The following GFM1 variants were observed in gnomAD, a reference collection of about 807,000 sequenced individuals.
GFM1 encodes elongation factor G, mitochondrial.
Under a neutral mutation model 96.2 loss-of-function variants are expected in GFM1, and 62 were observed. That is an observed-to-expected ratio of 0.64 (90% confidence interval 0.53 to 0.80). The LOEUF (loss-of-function observed/expected upper bound fraction) is 0.80, where lower values mean the gene tolerates loss of function less well. GFM1 is among the 30% of genes least tolerant of loss of function. The pLI, the probability that GFM1 is intolerant of heterozygous loss-of-function variation, is 0.00. For synonymous variants in GFM1, 282 were observed against 312.9 expected (o/e 0.90, Z 1.04); for missense variants, 852 against 916.6 (o/e 0.93, Z 0.91).
intron 13 of GFM1, among the ~76,000 whole-genome samples, chr3:158,667,459 A>G (rs1293149659): frequency 6.6e-6 from 1 of 152,218 alleles, no homozygotes; most frequent in Non-Finnish European, 1.5e-5. Context: ...CATTGAAAGA[A>G]TCCAATTTTA....
At chr3:158,669,767 T>C (rs923105614) in intron 13 of GFM1, among the ~76,000 whole-genome samples, 1 of 152,238 alleles carries the variant, frequency 6.6e-6, no homozygotes, top group Non-Finnish European at 1.5e-5. Flanking sequence ...GGGCCTGGCC[T>C]ATTAAATTCT....
At chr3:158,655,293 A>G (rs2108025347) in intron 8 of GFM1, among the ~76,000 whole-genome samples, 3 of 152,122 alleles carry the variant, frequency 2.0e-5, no homozygotes, top group Middle Eastern at 6.8e-3. Context: ...AGACCAGCCT[A>G]GCCAACATGG....
chr3:158,647,088 G>A (rs1276347612), intron 4 of GFM1, 141 bp downstream of exon 4: 5 of 704,952 alleles, frequency 7.1e-6, no homozygotes, highest in Non-Finnish European at 2.4e-6. Context: ...TTAGTAAGTG[G>A]AACACTGATT....
intron 1 of GFM1, 47 bp from the exon 2 acceptor site, chr3:158,645,580 TTC>T (rs750470514): frequency 2.0e-6 from 3 of 1,464,930 alleles, no homozygotes; most frequent in Non-Finnish European, 2.9e-6. Flanking sequence ...TTGTCTGTTG[TTC>T]TCTCTTATAA....
In GFM1 at chr3:158,690,107, C is replaced by T. The variant is rs971439289; in HGVS notation, c.1910-56C>T. ...TTTTTCTCCCTTTTTTATATCTGGA[C>T]AGAAGAGTTGTAGTTTGTATGAAGA... On this transcript the variant is annotated intron_variant, in intron 15 of 17. Coordinates refer to ENST00000486715, the MANE Select transcript of GFM1 (RefSeq NM_024996.7). The T allele has an allele frequency of 1.1e-5, 16 of 1,435,464 alleles. No homozygotes were observed. The African/African-American group carries it at 2.1e-4, about 19-fold the overall frequency. 88.9% of individuals were successfully genotyped at this position (1,435,464 alleles called of 1,614,324 possible). A position where few individuals can be genotyped will look rare whatever the true frequency, so the allele number is the denominator to read the frequency against.
chr3:158,669,043 C>T (rs1460383011), intron 13 of GFM1: 5 of 1,613,446 alleles, frequency 3.1e-6, no homozygotes, highest in Middle Eastern at 3.3e-4. Flanking sequence ...CATGTGTCTT[C>T]AGTAGAATTT....
intron 13 of GFM1, chr3:158,668,964 C>A: frequency 6.5e-7 from 1 of 1,535,728 alleles, no homozygotes; most frequent in South Asian, 1.1e-5. Flanking sequence ...ATATTAACCC[C>A]ATTAATAGTG....
At chr3:158,691,224 C>T in intron 17 of GFM1, 32 bp downstream of exon 17, 1 of 1,603,598 alleles carries the variant, frequency 6.2e-7, no homozygotes, top group Non-Finnish European at 8.5e-7. Flanking sequence ...CTTCAAAAGA[C>T]CACCCTACAG....
Position 158,694,450 on chromosome 3 carries a change from G to A in GFM1, c.*2983G>A, listed in dbSNP as rs1246126946. On this transcript the variant is annotated 3_prime_UTR_variant, in exon 18 of 18. Transcript: ENST00000486715. ...TATTGGAGGATGGAGGGTGGGTGGA[G>A]GGAGAGGATCAGGAAAAATAACTAA... Among the ~76,000 whole-genome samples the A allele has an allele frequency of 1.3e-5, 2 of 152,166 alleles. No homozygotes were observed. The highest frequency in any genetic ancestry group is 4.8e-5 in the African/African-American group (2 of 41,432).
Position 158,653,457 on chromosome 3 carries a change from A to G in GFM1, c.988A>G (p.Asn330Asp), listed in dbSNP as rs550421059. 6.8e-6 allele frequency: 11 copies of G among 1,607,156 alleles called. No homozygotes were observed. The East Asian group carries it at 2.0e-4, about 29-fold the overall frequency. Reference sequence around the variant, plus strand: ...TGAAGTCCAGAACTATGCTATTCTCAATAAAGAGGAGTAAGTCTTGAAAAT... The same window carrying G: ...TGAAGTCCAGAACTATGCTATTCTCGATAAAGAGGAGTAAGTCTTGAAAAT... The part of the protein sequence containing the change: ...PSEVQNYAIL[N>D]KEDDSKEKTK... Residue 330 changes from asparagine to aspartate, a missense_variant, in exon 7 of 18, where the codon AAT becomes GAT. Asn to Asp is a conservative substitution (Grantham distance 23, BLOSUM62 1). Transcript: ENST00000486715.
intron 1 of GFM1, 80 bp from the exon 2 acceptor site, chr3:158,645,549 T>C (rs1721702455): frequency 8.5e-7 from 1 of 1,179,628 alleles, no homozygotes; most frequent in Non-Finnish European, 1.3e-6. Context: ...GGAGGAATAA[T>C]GTCCACCATA....
chr3:158,653,291 A>G lies in GFM1; in HGVS notation c.841-19A>G. On this transcript the variant is annotated intron_variant, in intron 6 of 17. Transcript: ENST00000486715. ...TGTAATTTTAACATTAACTACCATT[A>G]AATTGTTTTCTTTTGTAGCTAGCAA... 1.9e-6 allele frequency: 3 copies of G among 1,601,392 alleles called. No individual in the cohort carries two copies. Among genetic ancestry groups the G allele is most frequent in the Non-Finnish European group, 2.6e-6 (3 of 1,169,714 alleles).
chr3:158,663,319 T>A (rs922356459), intron 11 of GFM1, among the ~76,000 whole-genome samples: 9 of 152,248 alleles, frequency 5.9e-5, no homozygotes, highest in African/African-American at 2.2e-4. Flanking sequence ...TTTTTAGTTC[T>A]TAAGTTGCCT....
intron 11 of GFM1, among the ~76,000 whole-genome samples, chr3:158,662,962 G>A (rs909443997): frequency 3.3e-5 from 5 of 151,984 alleles, no homozygotes; most frequent in African/African-American, 7.3e-5. Context: ...GTAACTTCCC[G>A]GATTCAGATC....
Position 158,684,584 on chromosome 3 carries a change from T to C in GFM1, c.1825T>C (p.Phe609Leu). Reference sequence around the variant, plus strand: ...TGGTCACAAGCTCTCTGGGCTCCGGTTTGTCCTGCAAGATGGAGCACACCA... The same window carrying C: ...TGGTCACAAGCTCTCTGGGCTCCGGCTTGTCCTGCAAGATGGAGCACACCA... Reference protein sequence around the residue: ...LSGHKLSGLRFVLQDGAHHMV... With the variant: ...LSGHKLSGLRLVLQDGAHHMV... The change falls in exon 15 of 18, where the codon TTT becomes CTT. Residue 609 changes from phenylalanine (F) to leucine (L), a missense_variant. Transcript: ENST00000486715. 1.9e-6 allele frequency: 3 copies of C among 1,614,116 alleles called. No homozygotes were observed. Among genetic ancestry groups the C allele is most frequent in the South Asian group, 1.1e-5 (1 of 91,076 alleles).
intron 10 of GFM1, 39 bp from the exon 11 acceptor site, chr3:158,662,589 T>A (rs1466245046): frequency 1.2e-5 from 16 of 1,318,564 alleles, no homozygotes; most frequent in Non-Finnish European, 1.5e-5. Flanking sequence ...TATGGGTCTG[T>A]TTTTTAATTC....
intron 12 of GFM1, 83 bp from the exon 13 acceptor site, chr3:158,666,221 T>C (rs891319767): frequency 5.5e-5 from 49 of 884,560 alleles, no homozygotes; most frequent in Admixed American, 2.4e-4. Context: ...AAGTGAATGC[T>C]ACTAAGATAT....
rs201408725 is a variant in GFM1, at chr3:158,690,264, C to T, written c.2011C>T (p.Arg671Cys). 54 of 1,613,704 alleles carry T rather than the reference C, an allele frequency of 3.3e-5. No individual in the cohort carries two copies. The highest frequency in any genetic ancestry group is 2.0e-4 in the Admixed American group (12 of 60,002). ...ACAAGTAATTGCAGGAATTAACCGA[C>T]GCCATGGGGTAATCACTGGGCAAGA... ...QGQVIAGINR[R>C]HGVITGQDGV... The change falls in exon 16 of 18, where the codon CGC becomes TGC. Residue 671 changes from arginine to cysteine, a missense_variant. Arg to Cys is a radical substitution (Grantham distance 180). Coordinates refer to ENST00000486715, the MANE Select transcript of GFM1 (RefSeq NM_024996.7).
intron 7 of GFM1, among the ~76,000 whole-genome samples, chr3:158,654,205 C>T (rs930721368): frequency 3.5e-5 from 3 of 85,972 alleles, no homozygotes; most frequent in Admixed American, 1.7e-4. Flanking sequence ...CTCTAAAGAC[C>T]TTTTTTTTTT....
Sources: allele counts gnomAD v4.1 joint callset (sites outside exome capture counted in the v4.1 genomes callset), GRCh38; gene constraint gnomAD v4.1.1; transcripts MANE v1.5; gene names NCBI Gene and HGNC (gene_info 2026-07-23, HGNC 2026-07-21).